Variants in UBAP2 observed in about 807,000 individuals in gnomAD.
The protein encoded by UBAP2 is ubiquitin-associated protein 2.
Under a neutral mutation model 139.6 loss-of-function variants are expected in UBAP2, and 75 were observed. The ratio of observed to expected loss-of-function variants is 0.54; its 90% CI spans 0.45 to 0.65. The LOEUF is 0.65. Among genes scored for constraint, UBAP2 ranks in the 30% least tolerant of loss-of-function variants. The probability of loss-of-function intolerance (pLI) is 0.00; values close to 1 mark genes in which losing one functional copy is unlikely to be tolerated. For synonymous variants in UBAP2, 526 were observed against 526.2 expected (o/e 1.00, Z 0.01); for missense variants, 1,368 against 1,369.6 (o/e 1.00, Z 0.02).
intron 16 of UBAP2, among the ~76,000 whole-genome samples, chr9:33,938,091 G>A (rs544334440): frequency 2.4e-4 from 37 of 151,582 alleles, no homozygotes; most frequent in Non-Finnish European, 4.9e-4. Context: ...TCCGCTTCCT[G>A]GTTCAAGCCA....
chr9:33,978,779 C>CA (rs1288196858), intron 6 of UBAP2, among the ~76,000 whole-genome samples: 5 of 150,884 alleles, frequency 3.3e-5, no homozygotes, highest in South Asian at 2.1e-4. Context: ...GACTACGTCT[C>CA]AAAAAAAAGA....
intron 4 of UBAP2, 116 bp from the exon 5 acceptor site, chr9:33,989,242 G>T (rs556019464): frequency 2.4e-5 from 30 of 1,246,196 alleles, no homozygotes; most frequent in Middle Eastern, 3.0e-4. Flanking sequence ...TCGCTCTGTC[G>T]CCCAGGCTGG....
At chr9:33,951,599 G>A (rs575144177) in intron 12 of UBAP2, among the ~76,000 whole-genome samples, 3 of 151,754 alleles carry the variant, frequency 2.0e-5, no homozygotes, top group Non-Finnish European at 2.9e-5. Flanking sequence ...CACCCACCTC[G>A]GCCTCCCAAA....
chr9:33,990,938 A>G (rs1821658320), intron 4 of UBAP2, among the ~76,000 whole-genome samples: 1 of 151,956 alleles, frequency 6.6e-6, no homozygotes, highest in Non-Finnish European at 1.5e-5. Context: ...CGCCTGGCCT[A>G]TTTGGTGCAT....
At chr9:34,039,728 C>T (rs1420748633) in intron 1 of UBAP2, among the ~76,000 whole-genome samples, 58 of 151,872 alleles carry the variant, frequency 3.8e-4, no homozygotes, top group Non-Finnish European at 1.5e-4. Flanking sequence ...GGGACCTCTG[C>T]CTAGGAAAAC....
intron 4 of UBAP2, among the ~76,000 whole-genome samples, chr9:33,989,933 T>A (rs537286509): frequency 6.6e-6 from 1 of 152,292 alleles, no homozygotes; most frequent in South Asian, 2.1e-4. Flanking sequence ...GGTGGGTTTT[T>A]AAAAAATTTA....
chr9:34,042,284 C>T (rs528909012), intron 1 of UBAP2, among the ~76,000 whole-genome samples: 1 of 151,752 alleles, frequency 6.6e-6, no homozygotes, highest in East Asian at 1.9e-4. Flanking sequence ...TGAGACCAGC[C>T]TGGCCAACAC....
intron 22 of UBAP2, 27 bp from the exon 23 acceptor site, chr9:33,924,311 A>G: frequency 6.2e-7 from 1 of 1,604,862 alleles, no homozygotes; most frequent in Middle Eastern, 1.7e-4. Flanking sequence ...AGGCTTGATC[A>G]GCGACTGGCC....
intron 8 of UBAP2, among the ~76,000 whole-genome samples, chr9:33,970,194 A>T: frequency 6.6e-6 from 1 of 151,644 alleles, no homozygotes; most frequent in Non-Finnish European, 1.5e-5. Flanking sequence ...TAATCTCCTA[A>T]TATCTATATG....
intron 8 of UBAP2, among the ~76,000 whole-genome samples, chr9:33,969,605 G>A (rs1564036163): frequency 1.3e-5 from 2 of 151,340 alleles, no homozygotes; most frequent in Admixed American, 6.6e-5. Flanking sequence ...GGTGGCTTAC[G>A]CCTATAATCC....
intron 4 of UBAP2, among the ~76,000 whole-genome samples, chr9:33,990,259 C>T (rs1042233909): frequency 6.6e-6 from 1 of 152,074 alleles, no homozygotes; most frequent in Non-Finnish European, 1.5e-5. Flanking sequence ...CTGTTTTATG[C>T]TTTTTAAAAA....
chr9:33,948,826 T>C, intron 12 of UBAP2: 1 of 433,346 alleles, frequency 2.3e-6, no homozygotes, highest in South Asian at 3.9e-5. Context: ...GGGAAATATT[T>C]GCCATGAATT....
chr9:33,922,780 AG>A lies in UBAP2; in HGVS notation c.3170del (p.Pro1057LeufsTer154). On this transcript the variant is annotated frameshift_variant, in exon 28 of 29. Coordinates refer to ENST00000379238, the MANE Select transcript of UBAP2 (RefSeq NM_001370062.2). LOFTEE classifies it high-confidence loss of function. Reference sequence around the variant, plus strand: ...GTAGGAATGGTGGGGGTGCATAGCCAGGGGCCGCTCCCGAGGCCAGGGGCCC... The same window carrying A: ...GTAGGAATGGTGGGGGTGCATAGCCAGGGCCGCTCCCGAGGCCAGGGGCCC... Reference protein sequence around the residue: ...STGPLASGAAPGYAPPPFLHI... With the variant: ...STGPLASGAAXGYAPPPFLHI... 1.3e-6 allele frequency: 2 copies of A among 1,560,874 alleles called. No individual in the cohort carries two copies. The highest frequency in any genetic ancestry group is 1.2e-5 in the South Asian group (1 of 82,102).
chr9:33,935,166 G>GC (rs757284104), intron 17 of UBAP2, among the ~76,000 whole-genome samples: 3 of 57,392 alleles, frequency 5.2e-5, no homozygotes, highest in East Asian at 1.1e-3. Flanking sequence ...GAAGTGGCGG[G>GC]GGGGGGGGGT....
intron 13 of UBAP2, among the ~76,000 whole-genome samples, chr9:33,947,151 T>A (rs1825712873): frequency 6.6e-6 from 1 of 152,218 alleles, no homozygotes; most frequent in Non-Finnish European, 1.5e-5. Context: ...CTTTGGGCAC[T>A]GAGTCTCTAA....
At chr9:33,997,961 T>C (rs1822336617) in intron 3 of UBAP2, 1 of 152,170 alleles carries the variant, frequency 6.6e-6, no homozygotes, top group Non-Finnish European at 1.5e-5. Context: ...TACAGCTTGG[T>C]TTCTAGGATC....
At chr9:33,960,715 G>A in intron 10 of UBAP2, 111 bp downstream of exon 10, 2 of 984,826 alleles carry the variant, frequency 2.0e-6, no homozygotes, top group Non-Finnish European at 3.1e-6. Context: ...GGGAGGCAGA[G>A]GTTGCAATGA....
intron 1 of UBAP2, among the ~76,000 whole-genome samples, chr9:34,036,866 G>A (rs1298321058): frequency 6.9e-6 from 1 of 144,098 alleles, no homozygotes; most frequent in African/African-American, 2.6e-5. Flanking sequence ...CTGGAGCACA[G>A]TGGTGCGATC....
chr9:34,039,282 G>A (rs527710913), intron 1 of UBAP2, among the ~76,000 whole-genome samples: 17 of 150,216 alleles, frequency 1.1e-4, no homozygotes, highest in African/African-American at 3.2e-4. Flanking sequence ...TGGGGGGGGC[G>A]CCTCTGCCCG....
Sources: allele counts gnomAD v4.1 joint callset (sites outside exome capture counted in the v4.1 genomes callset), GRCh38; gene constraint gnomAD v4.1.1; transcripts MANE v1.5; gene names NCBI Gene and HGNC (gene_info 2026-07-23, HGNC 2026-07-21).